KIF6: variants seen among roughly 807,000 people sequenced by gnomAD.
KIF6 encodes the protein kinesin-like protein KIF6.
KIF6 carries 106 observed loss-of-function variants against 112.7 expected under a neutral mutation model. The ratio of observed to expected loss-of-function variants is 0.94; its 90% CI spans 0.80 to 1.11. KIF6 has a LOEUF of 1.11. Among genes scored for constraint, KIF6 ranks in the 50% least tolerant of loss-of-function variants. The pLI is 0.00. For synonymous variants in KIF6, 339 were observed against 339.9 expected, an observed-to-expected ratio of 1.00 and a Z score of 0.03; for missense variants, 929 against 964.0, an observed-to-expected ratio of 0.96 and a Z score of 0.48.
chr6:39,385,437 G>A (rs1169863248), intron 16 of KIF6, among the ~76,000 whole-genome samples, 185 bp downstream of exon 16: 1 of 152,126 alleles, frequency 6.6e-6, no homozygotes, highest in Non-Finnish European at 1.5e-5. Flanking sequence ...CAAGAACACA[G>A]GCTGGGGAAA....
At chr6:39,582,829 T>G (rs1425441926) in intron 9 of KIF6, among the ~76,000 whole-genome samples, 1 of 152,182 alleles carries the variant, frequency 6.6e-6, no homozygotes, top group Non-Finnish European at 1.5e-5. Context: ...TTGTCTTGAG[T>G]GGTTTGTAGG....
At chr6:39,527,333 T>G (rs544756021) in intron 13 of KIF6, among the ~76,000 whole-genome samples, 47 of 152,284 alleles carry the variant, frequency 3.1e-4, no homozygotes, top group African/African-American at 7.7e-4. Context: ...TATCTCCCTA[T>G]GTTCCTCTCC....
intron 3 of KIF6, among the ~76,000 whole-genome samples, chr6:39,643,111 AAG>A (rs1188054480): frequency 6.6e-6 from 1 of 152,206 alleles, no homozygotes; most frequent in Non-Finnish European, 1.5e-5. Context: ...CCAGACATAG[AAG>A]TCTCTATTTG....
intron 13 of KIF6, among the ~76,000 whole-genome samples, chr6:39,490,833 A>C (rs1321099941): frequency 1.3e-5 from 2 of 152,142 alleles, no homozygotes; most frequent in Non-Finnish European, 2.9e-5. Context: ...TTCAAAAAAA[A>C]CCCCACCCTG....
intron 13 of KIF6, among the ~76,000 whole-genome samples, chr6:39,467,137 C>G (rs1331980155): frequency 6.6e-6 from 1 of 152,140 alleles, no homozygotes; most frequent in Non-Finnish European, 1.5e-5. Flanking sequence ...CCTGAAGGTG[C>G]TGTAGAAAAC....
chr6:39,542,946 A>C (rs1359141994), intron 12 of KIF6, among the ~76,000 whole-genome samples: 1 of 152,184 alleles, frequency 6.6e-6, no homozygotes, highest in Non-Finnish European at 1.5e-5. Context: ...TGTCAGATGG[A>C]GGGAGCCCTG....
chr6:39,406,945 T>C (rs550642251), intron 15 of KIF6, among the ~76,000 whole-genome samples: 2 of 152,220 alleles, frequency 1.3e-5, no homozygotes, highest in East Asian at 3.9e-4. Flanking sequence ...TTGGTAGAGA[T>C]GGGGTCTCAC....
intron 9 of KIF6, among the ~76,000 whole-genome samples, chr6:39,584,417 TAAAAAAAAAAAAAAAAAAAAAAA>T (rs61215070): frequency 1.5e-3 from 71 of 46,054 alleles, no homozygotes; most frequent in East Asian, 0.015. Flanking sequence ...ACTCTGTCTC[TAAAAAAAAAAAAAAAAAAAAAAA>T]AAAAAAAAAA....
intron 13 of KIF6, among the ~76,000 whole-genome samples, chr6:39,465,604 A>G (rs2150430745): frequency 6.6e-6 from 1 of 152,294 alleles, no homozygotes; most frequent in East Asian, 1.9e-4. Flanking sequence ...TATGCACATC[A>G]GAAACATCCT....
At chr6:39,620,229 A>G (rs1425943280) in intron 5 of KIF6, 3 of 152,208 alleles carry the variant, frequency 2.0e-5, no homozygotes, top group Admixed American at 2.0e-4. Flanking sequence ...TCCATATAGT[A>G]ATTATACAGC....
Position 39,581,448 on chromosome 6 carries a change from G to A in KIF6, c.1078-3289C>T, listed in dbSNP as rs149182717. On this transcript the variant is annotated intron_variant, in intron 9 of 22. Coordinates refer to ENST00000287152, the MANE Select transcript of KIF6 (RefSeq NM_145027.6). ...TGGGATTACAGGCATGAGCCACTGC[G>A]CCCGGCCCGCTTTACTCATTTTCTA... Among the ~76,000 whole-genome samples, 118 of 152,020 alleles carry A rather than the reference G, an allele frequency of 7.8e-4. No homozygotes were observed. The Middle Eastern group carries it at 0.01, about 13-fold the overall frequency.
chr6:39,415,301 TAAAAA>T (rs5875672), intron 15 of KIF6, among the ~76,000 whole-genome samples: 1 of 89,458 alleles, frequency 1.1e-5, no homozygotes, highest in Admixed American at 1.1e-4. Context: ...TTTTAAAATG[TAAAAA>T]AAAAAAAAAA....
intron 3 of KIF6, among the ~76,000 whole-genome samples, chr6:39,664,670 T>G (rs1786357280): frequency 6.6e-6 from 1 of 152,184 alleles, no homozygotes; most frequent in Non-Finnish European, 1.5e-5. Context: ...TTCTCTAGCT[T>G]GAATTAAAGT....
At chr6:39,656,952 C>T (rs551135191) in intron 3 of KIF6, among the ~76,000 whole-genome samples, 85 of 152,148 alleles carry the variant, frequency 5.6e-4, no homozygotes, top group South Asian at 1.5e-3. Context: ...GTTCTTTGGC[C>T]GGGCATGGTG....
chr6:39,543,067 C>G (rs1338536647), intron 12 of KIF6, among the ~76,000 whole-genome samples: 1 of 152,194 alleles, frequency 6.6e-6, no homozygotes, highest in African/African-American at 2.4e-5. Context: ...CTTTCACTCT[C>G]TTTTAAAAAT....
chr6:39,442,120 AC>A (rs1210041554), intron 13 of KIF6, among the ~76,000 whole-genome samples: 3 of 152,154 alleles, frequency 2.0e-5, no homozygotes, highest in African/African-American at 7.2e-5. Context: ...AGCAGTGCAG[AC>A]CACGCGGGCT....
At chr6:39,390,467 G>A (rs1229625711) in intron 15 of KIF6, among the ~76,000 whole-genome samples, 1 of 152,154 alleles carries the variant, frequency 6.6e-6, no homozygotes, top group Non-Finnish European at 1.5e-5. Flanking sequence ...CTTGGGAAGG[G>A]CACCTCAGTC....
At chr6:39,532,079 G>T (rs1392018244) in intron 13 of KIF6, among the ~76,000 whole-genome samples, 6 of 152,058 alleles carry the variant, frequency 3.9e-5, no homozygotes, top group Non-Finnish European at 8.8e-5. Flanking sequence ...GATTTTCCTG[G>T]TCTTAACCGG....
intron 3 of KIF6, among the ~76,000 whole-genome samples, chr6:39,714,416 A>C (rs1162255425): frequency 6.6e-6 from 1 of 152,134 alleles, no homozygotes; most frequent in East Asian, 1.9e-4. Flanking sequence ...AGTGTCACTT[A>C]ATTTCTGTGA....
Sources: gnomAD v4.1 joint callset for allele counts (sites outside exome capture counted in the v4.1 genomes callset) on GRCh38, gnomAD v4.1.1 for gene constraint, MANE v1.5 for transcripts, NCBI Gene and HGNC (gene_info 2026-07-23, HGNC 2026-07-21) for gene names.